The following PCDHA5 variants were observed in gnomAD, a reference collection of about 807,000 sequenced individuals.
PCDHA5 encodes protocadherin alpha 5, also known as protocadherin alpha-5.
PCDHA5 carries 43 observed loss-of-function variants against 61.6 expected under a neutral mutation model. That is an observed-to-expected ratio of 0.70 (90% CI 0.55 to 0.90). The LOEUF (loss-of-function observed/expected upper bound fraction) is 0.90, where lower values mean the gene tolerates loss of function less well. Ranked by LOEUF, PCDHA5 falls within the 40% of genes least tolerant of loss-of-function variation. The probability of loss-of-function intolerance (pLI) is 0.00; values close to 1 mark genes in which losing one functional copy is unlikely to be tolerated. For synonymous variants in PCDHA5, 627 were observed against 543.9 expected (o/e 1.15, Z -2.13); for missense variants, 1,298 against 1,222.7 (o/e 1.06, Z -0.92).
chr5:140,836,679 A>G (rs2150267656), intron 1 of PCDHA5: 3 of 1,613,334 alleles, frequency 1.9e-6, no homozygotes, highest in East Asian at 4.5e-5. Context: ...GGGCCCACCC[A>G]AGACAGACCT....
intron 1 of PCDHA5, chr5:140,968,917 T>G: frequency 6.2e-7 from 1 of 1,614,216 alleles, no homozygotes; most frequent in Non-Finnish European, 8.5e-7. Flanking sequence ...CAGTGTCTTT[T>G]ATATTTCTTT....
intron 3 of PCDHA5, among the ~76,000 whole-genome samples, chr5:140,985,509 T>C (rs6886977): frequency 1.5e-3 from 223 of 152,280 alleles, no homozygotes; most frequent in African/African-American, 4.4e-3. Context: ...CTTTCATTGA[T>C]TCTGTTGCCC....
At chr5:141,009,500 A>G (rs2098409925) in intron 3 of PCDHA5, 127 bp from the exon 4 acceptor site, 2 of 1,494,658 alleles carry the variant, frequency 1.3e-6, no homozygotes, top group Non-Finnish European at 1.8e-6. Flanking sequence ...TCAGACTTGA[A>G]CAAACAACTC....
intron 1 of PCDHA5, chr5:140,882,766 G>T: frequency 1.2e-6 from 2 of 1,614,184 alleles, no homozygotes; most frequent in South Asian, 2.2e-5. Context: ...GAGTAAACTC[G>T]GCATTGACCT....
At chr5:140,956,565 A>G (rs190736286) in intron 1 of PCDHA5, among the ~76,000 whole-genome samples, 2 of 152,284 alleles carry the variant, frequency 1.3e-5, no homozygotes, top group Non-Finnish European at 2.9e-5. Flanking sequence ...TATCTTATTG[A>G]GGATTTTTGC....
chr5:140,874,929 G>A lies in PCDHA5; in HGVS notation c.2352+50802G>A, dbSNP rs1554167415. Among the ~76,000 whole-genome samples, 6 of 152,304 alleles carry A rather than the reference G, an allele frequency of 3.9e-5. 1 individual carries two copies. On this transcript the variant is annotated intron_variant, in intron 1 of 3. Transcript: ENST00000529859. ...GATGGAGTGCTTGTGAAGGTTAAAA[G>A]TTATTGAAACAGCGGAATTGTAAGC...
At chr5:140,876,308 A>T in intron 1 of PCDHA5, 1 of 1,614,070 alleles carries the variant, frequency 6.2e-7, no homozygotes, top group South Asian at 1.1e-5. Context: ...GAAATTTCCT[A>T]TGGGATCAAA....
intron 3 of PCDHA5, among the ~76,000 whole-genome samples, chr5:141,006,729 T>A (rs1554260883): frequency 2.0e-5 from 3 of 151,948 alleles, no homozygotes; most frequent in Non-Finnish European, 4.4e-5. Flanking sequence ...AAATGACAGG[T>A]CTTGATGATG....
At position 140,983,206 on chromosome 5, in the gene PCDHA5, C is replaced by G. The variant is rs184479967; in HGVS notation, c.2500+643C>G. 1.8e-3 allele frequency among the ~76,000 whole-genome samples: 271 copies of G among 152,316 alleles called. 2 individuals are homozygous for G. Among genetic ancestry groups the G allele is most frequent in the South Asian group, 2.5e-3 (12 of 4,822 alleles). On this transcript the variant is annotated intron_variant, in intron 3 of 3. Transcript: ENST00000529859. ...TCTTAGTTTAGAGGGATAATAGGGA[C>G]TATTTCCTAATCCAAACTTTCAGGA...
chr5:140,892,310 A>AT (rs1422110989), intron 1 of PCDHA5, among the ~76,000 whole-genome samples: 1 of 152,230 alleles, frequency 6.6e-6, no homozygotes, highest in Non-Finnish European at 1.5e-5. Flanking sequence ...TTTGGGGCTT[A>AT]TAACATTTTC....
At chr5:140,829,291 C>A (rs1224318047) in intron 1 of PCDHA5, 1 of 1,614,130 alleles carries the variant, frequency 6.2e-7, no homozygotes, top group Non-Finnish European at 8.5e-7. Context: ...TGGTGTCCAC[C>A]TTCAAGAATT....
chr5:140,968,206 G>A lies in PCDHA5; in HGVS notation c.2353-10743G>A, dbSNP rs782751494. Reference sequence around the variant, plus strand: ...ACTCCTATTCCATCTACATACAGGAGAACAATTTGCCAGGTGTGTTGCTCT... The same window carrying A: ...ACTCCTATTCCATCTACATACAGGAAAACAATTTGCCAGGTGTGTTGCTCT... On this transcript the variant is annotated intron_variant, in intron 1 of 3. Coordinates refer to ENST00000529859, the MANE Select transcript of PCDHA5 (RefSeq NM_018908.3). 170 of 1,613,876 alleles carry A rather than the reference G, an allele frequency of 1.1e-4. 1 individual carries two copies. Among genetic ancestry groups the A allele is most frequent in the Non-Finnish European group, 1.4e-4 (163 of 1,180,042 alleles).
chr5:140,822,201 A>G lies in PCDHA5; in HGVS notation c.426A>G (p.Leu142=). Residue 142 remains leucine, a synonymous_variant, in exon 1 of 4, where the codon TTA becomes TTG. Transcript: ENST00000529859. ...GACAAGAACAAAGATTATTCATTTT[A>G]GAGTCAAGAATGCCAGATTCGCGGT... ...FSRQEQRLFI[L]ESRMPDSRFP... 6.2e-7 allele frequency: 1 copy of G among 1,614,246 alleles called. No individual in the cohort carries two copies. The highest frequency in any genetic ancestry group is 8.5e-7 in the Non-Finnish European group (1 of 1,180,030).
intron 1 of PCDHA5, among the ~76,000 whole-genome samples, chr5:140,844,193 C>T (rs2150369320): frequency 6.7e-6 from 1 of 149,658 alleles, no homozygotes; most frequent in Admixed American, 6.7e-5. Flanking sequence ...TCTTATCTGA[C>T]TTTTTAGTGT....
intron 1 of PCDHA5, among the ~76,000 whole-genome samples, chr5:140,873,824 C>A (rs1411429273): frequency 6.6e-6 from 1 of 152,118 alleles, no homozygotes; most frequent in Non-Finnish European, 1.5e-5. Flanking sequence ...CCACTCCTGG[C>A]TAATTTTTGT....
At chr5:140,924,187 G>A (rs1238020963) in intron 1 of PCDHA5, among the ~76,000 whole-genome samples, 1 of 152,220 alleles carries the variant, frequency 6.6e-6, no homozygotes, top group Non-Finnish European at 1.5e-5. Flanking sequence ...CAGAAAATTA[G>A]TTTTGGTTTA....
rs369536692 is a variant in PCDHA5 at position 140,876,705 on chromosome 5, C to T, written c.2352+52578C>T. The T allele has an allele frequency of 2.0e-5, 33 of 1,614,240 alleles. No individual in the cohort carries two copies. In the African/African-American group the frequency reaches 3.3e-4, roughly 16 times the overall value. ...ATTACTACTCGTTGGTGCTGGACAG[C>T]GCCCTGGACCGCGAGAGCGTGTCGG... On this transcript the variant is annotated intron_variant, in intron 1 of 3. Transcript: ENST00000529859.
chr5:140,835,419 A>T, intron 1 of PCDHA5: 1 of 1,613,974 alleles, frequency 6.2e-7, no homozygotes, highest in Non-Finnish European at 8.5e-7. Context: ...TGTAAATGAC[A>T]ATGCTCCACA....
intron 1 of PCDHA5, among the ~76,000 whole-genome samples, chr5:140,890,562 C>T (rs1456006217): frequency 1.3e-5 from 2 of 151,980 alleles, no homozygotes; most frequent in Non-Finnish European, 2.9e-5. Flanking sequence ...TTTTATTGTT[C>T]CATTTCCTTC....
Sources: gnomAD v4.1 joint callset for allele counts (sites outside exome capture counted in the v4.1 genomes callset) on GRCh38, gnomAD v4.1.1 for gene constraint, MANE v1.5 for transcripts, NCBI Gene and HGNC (gene_info 2026-07-23, HGNC 2026-07-21) for gene names.